The following COL19A1 variants were observed in gnomAD, a reference collection of about 807,000 sequenced individuals.
COL19A1 encodes the protein collagen alpha-1(XIX) chain.
COL19A1 carries 159 observed loss-of-function variants against 190.2 expected under a neutral mutation model. The ratio of observed to expected loss-of-function variants is 0.84; its 90% CI spans 0.73 to 0.95. COL19A1 has a LOEUF of 0.95. COL19A1 is among the 40% of genes least tolerant of loss of function. COL19A1 has a pLI of 0.00. For synonymous variants in COL19A1, 509 were observed against 458.9 expected (o/e 1.11, Z -1.39); for missense variants, 1,418 against 1,431.9 (o/e 0.99, Z 0.16).
chr6:69,875,887 A>G (rs1768101097), intron 1 of COL19A1, among the ~76,000 whole-genome samples: 1 of 152,224 alleles, frequency 6.6e-6, no homozygotes. Context: ...GATAATATTT[A>G]AAGCCAAGAG....
chr6:69,955,722 C>T (rs1774382319), intron 9 of COL19A1, among the ~76,000 whole-genome samples: 1 of 151,900 alleles, frequency 6.6e-6, no homozygotes, highest in African/African-American at 2.4e-5. Flanking sequence ...TATTAAGAGA[C>T]TCCAAACTAT....
At chr6:70,113,515 C>G (rs1419540350) in intron 16 of COL19A1, among the ~76,000 whole-genome samples, 1 of 152,184 alleles carries the variant, frequency 6.6e-6, no homozygotes, top group Non-Finnish European at 1.5e-5. Flanking sequence ...AATATACTCT[C>G]TTGATTAGCT....
At chr6:70,096,532 A>G (rs1582900597) in intron 15 of COL19A1, among the ~76,000 whole-genome samples, 1 of 152,160 alleles carries the variant, frequency 6.6e-6, no homozygotes, top group Non-Finnish European at 1.5e-5. Flanking sequence ...TGCAAAGTAT[A>G]AGTACCATTT....
At chr6:70,061,214 T>A (rs1780810931) in intron 14 of COL19A1, among the ~76,000 whole-genome samples, 1 of 152,202 alleles carries the variant, frequency 6.6e-6, no homozygotes, top group African/African-American at 2.4e-5. Context: ...TGTGTTTTAC[T>A]AATGATAATA....
intron 4 of COL19A1, among the ~76,000 whole-genome samples, chr6:69,904,019 T>C (rs1359957719): frequency 6.6e-6 from 1 of 152,222 alleles, no homozygotes; most frequent in Non-Finnish European, 1.5e-5. Flanking sequence ...GGCAAACTGA[T>C]GGCCTTCTGC....
intron 2 of COL19A1, among the ~76,000 whole-genome samples, chr6:69,895,290 TA>T (rs1425994750): frequency 6.6e-6 from 1 of 152,182 alleles, no homozygotes; most frequent in East Asian, 1.9e-4. Flanking sequence ...TGGTTTCCCA[TA>T]AGCTCAGAAG....
At chr6:70,168,950 T>A (rs1443392921) in intron 40 of COL19A1, among the ~76,000 whole-genome samples, 1 of 152,156 alleles carries the variant, frequency 6.6e-6, no homozygotes, top group Non-Finnish European at 1.5e-5. Flanking sequence ...ACATATAAAC[T>A]CTGATAAATG....
chr6:69,992,775 G>A lies in COL19A1; in HGVS notation c.1026+29905G>A, dbSNP rs373178226. Among the ~76,000 whole-genome samples the A allele has an allele frequency of 1.4e-4, 21 of 151,988 alleles. 1 individual carries two copies. Among genetic ancestry groups the A allele is most frequent in the East Asian group, 1.4e-3 (7 of 5,184 alleles). Reference sequence around the variant, plus strand: ...CAGCTTGGACATTGTTGATCTATGGGAATGCTACTGATTTTTGTACATTGA... The same window carrying A: ...CAGCTTGGACATTGTTGATCTATGGAAATGCTACTGATTTTTGTACATTGA... On this transcript the variant is annotated intron_variant, in intron 11 of 50. Transcript: ENST00000620364.
intron 11 of COL19A1, among the ~76,000 whole-genome samples, chr6:70,010,502 C>T (rs533982103): frequency 3.5e-5 from 5 of 142,512 alleles, no homozygotes; most frequent in African/African-American, 1.1e-4. Flanking sequence ...AGTGTGTGTG[C>T]GCACCGTGCG....
At chr6:70,130,750 G>A (rs1025041040) in intron 18 of COL19A1, among the ~76,000 whole-genome samples, 2 of 152,222 alleles carry the variant, frequency 1.3e-5, no homozygotes, top group African/African-American at 4.8e-5. Context: ...ATAAGAAAGA[G>A]AACATATCAA....
At chr6:70,145,455 T>C (rs369837191) in intron 25 of COL19A1, among the ~76,000 whole-genome samples, 2 of 152,096 alleles carry the variant, frequency 1.3e-5, no homozygotes, top group African/African-American at 4.8e-5. Flanking sequence ...TCCTCACTTA[T>C]AAGTGGGAGC....
intron 2 of COL19A1, among the ~76,000 whole-genome samples, chr6:69,893,929 T>A (rs1470242977): frequency 6.6e-6 from 1 of 152,150 alleles, no homozygotes; most frequent in Non-Finnish European, 1.5e-5. Flanking sequence ...CAGAAAATGT[T>A]TAAATTTACC....
At chr6:69,983,021 T>A (rs536795478) in intron 11 of COL19A1, among the ~76,000 whole-genome samples, 6 of 148,108 alleles carry the variant, frequency 4.1e-5, no homozygotes, top group South Asian at 4.2e-4. Flanking sequence ...AATAAATAAA[T>A]ATAAAATAAA....
intron 9 of COL19A1, among the ~76,000 whole-genome samples, chr6:69,938,790 T>C (rs1773274925): frequency 6.6e-6 from 1 of 152,120 alleles, no homozygotes; most frequent in Non-Finnish European, 1.5e-5. Flanking sequence ...AGATTTGTCT[T>C]TCCCTTCTCC....
intron 12 of COL19A1, among the ~76,000 whole-genome samples, chr6:70,025,037 T>C (rs1778651948): frequency 6.6e-6 from 1 of 151,696 alleles, no homozygotes; most frequent in African/African-American, 2.4e-5. Flanking sequence ...TTTTTTTTTT[T>C]TTTTTGAGAC....
In COL19A1 at chr6:70,199,700, G is replaced by A; in HGVS notation, c.3187G>A (p.Gly1063Arg). The A allele has an allele frequency of 1.2e-6, 2 of 1,611,052 alleles. No individual in the cohort carries two copies. The highest frequency in any genetic ancestry group is 1.7e-6 in the Non-Finnish European group (2 of 1,178,198). Residue 1063 changes from glycine (G) to arginine (R), a missense_variant, in exon 49 of 51, where the codon GGG becomes AGG. Physicochemically the swap from Gly to Arg is moderately radical, Grantham distance 125 (BLOSUM62 -2). Transcript: ENST00000620364. ...GAGACCTGGGCCACCAGGGAAGGAT[G>A]GGTTGCCTGGGCCACCAGGAGACCC... ...YGRPGPPGKD[G>R]LPGPPGDPGP...
chr6:70,186,787 C>T (rs1214264568), intron 46 of COL19A1, among the ~76,000 whole-genome samples: 2 of 152,148 alleles, frequency 1.3e-5, no homozygotes, highest in Admixed American at 6.5e-5. Context: ...TAAAAAACAG[C>T]ATCAAGCAAA....
intron 14 of COL19A1, among the ~76,000 whole-genome samples, chr6:70,063,975 G>A (rs1485698157): frequency 4.6e-5 from 7 of 152,106 alleles, no homozygotes; most frequent in African/African-American, 1.7e-4. Context: ...TGAAATTGAG[G>A]CAATAATTAA....
chr6:70,089,092 T>C (rs1292041471), intron 15 of COL19A1, among the ~76,000 whole-genome samples: 1 of 152,176 alleles, frequency 6.6e-6, no homozygotes, highest in Non-Finnish European at 1.5e-5. Context: ...CCTCTGGAGA[T>C]CTTGACATCA....
Sources: gnomAD v4.1 joint callset for allele counts (sites outside exome capture counted in the v4.1 genomes callset) on GRCh38, gnomAD v4.1.1 for gene constraint, MANE v1.5 for transcripts, NCBI Gene and HGNC (gene_info 2026-07-23, HGNC 2026-07-21) for gene names.